Variants in RALGAPB observed in about 807,000 individuals in gnomAD.
RALGAPB encodes the protein Ral GTPase activating protein non-catalytic subunit beta.
A neutral mutation model predicts 161.1 loss-of-function variants in RALGAPB; 25 were observed. The ratio of observed to expected loss-of-function variants is 0.16; its 90% CI spans 0.11 to 0.22. The LOEUF is 0.22. RALGAPB is among the 10% of genes least tolerant of loss of function. RALGAPB has a pLI of 1.00. For synonymous variants in RALGAPB, 629 were observed against 626.1 expected (o/e 1.00, Z -0.07); for missense variants, 1,391 against 1,815.2 (o/e 0.77, Z 4.25).
chr20:38,525,772 A>G (rs2086444839), intron 12 of RALGAPB, 123 bp from the exon 13 acceptor site: 1 of 1,015,310 alleles, frequency 9.8e-7, no homozygotes, highest in Non-Finnish European at 1.4e-6. Flanking sequence ...GATTCAGCAC[A>G]GTGGCTAATA....
rs1275940779 is a variant in RALGAPB at position 38,539,948 on chromosome 20, T to C, written c.2552T>C (p.Leu851Pro). The change falls in exon 17 of 30, where the codon CTT (leucine) becomes CCT (proline). Residue 851 changes from leucine (L) to proline (P), a missense_variant. Around this residue, in one of 3 missense-constraint regions of RALGAPB, gnomAD observed 946 missense variants for 1,257.2 expected, o/e 0.75. Coordinates refer to ENST00000262879, the MANE Select transcript of RALGAPB (RefSeq NM_020336.4). ...TGGCTGACAGAGCACCCTGATATGC[T>C]TGATGAAAAGGTGAGTTTATTTTAT... ...CVWLTEHPDM[L>P]DEKDCLKEVL... The C allele has an allele frequency of 6.2e-7, 1 of 1,607,772 alleles. No homozygotes were observed. The highest frequency in any genetic ancestry group is 1.7e-4 in the Middle Eastern group (1 of 6,036).
rs2085188834 is a variant in RALGAPB, at chr20:38,488,690, A to C, written c.186+72A>C. On this transcript the variant is annotated intron_variant, in intron 2 of 29. Transcript: ENST00000262879. ...TTCTTGAAGAATTTGTTTAATGTTAACTTTTTTGTTCTTTTTTCTTTGAAA... is the reference window on the plus strand; with the variant it reads ...TTCTTGAAGAATTTGTTTAATGTTACCTTTTTTGTTCTTTTTTCTTTGAAA... The C allele has an allele frequency of 8.3e-6, 12 of 1,442,184 alleles. No homozygotes were observed. In the East Asian group the frequency reaches 2.8e-4, roughly 33 times the overall value. 89.3% of individuals were successfully genotyped at this position (1,442,184 alleles called of 1,614,324 possible).
chr20:38,546,511 A>G (rs1364021262), intron 19 of RALGAPB, 81 bp downstream of exon 19: 9 of 1,572,646 alleles, frequency 5.7e-6, no homozygotes, highest in Non-Finnish European at 7.8e-6. Context: ...GGATCAGGGA[A>G]GGACAGCCTA....
At chr20:38,483,501 T>A (rs1362714637) in intron 1 of RALGAPB, among the ~76,000 whole-genome samples, 5 of 152,222 alleles carry the variant, frequency 3.3e-5, no homozygotes, top group African/African-American at 1.2e-4. Flanking sequence ...TGTACATTTT[T>A]AAAAATTGAG....
In RALGAPB at chr20:38,517,593, C is replaced by T; in HGVS notation, c.1139C>T (p.Pro380Leu). The change falls in exon 8 of 30, where the codon CCC (proline) becomes CTC (leucine). Residue 380 changes from proline (P) to leucine (L), a missense_variant. This residue lies in a region of RALGAPB where 946 missense variants were observed against 1,257.2 expected (regional missense o/e 0.75). Transcript: ENST00000262879. ...CAAAGTGCTGCTGTCAGTACCACCC[C>T]CCCACATAACCGGAGGCACCGGGCT... ...MPQSAAVSTT[P>L]PHNRRHRAVT... The T allele has an allele frequency of 6.2e-7, 1 of 1,613,960 alleles. No homozygotes were observed. The highest frequency in any genetic ancestry group is 8.5e-7 in the Non-Finnish European group (1 of 1,179,944).
intron 18 of RALGAPB, among the ~76,000 whole-genome samples, chr20:38,543,646 C>T (rs925361372): frequency 7.2e-5 from 11 of 152,120 alleles, no homozygotes; most frequent in African/African-American, 2.2e-4. Context: ...TCTGTTTTGC[C>T]GTTGTCAGGC....
chr20:38,539,770 G>A lies in RALGAPB; in HGVS notation c.2380-6G>A, dbSNP rs772192100. On this transcript the variant is annotated splice_polypyrimidine_tract_variant and splice_region_variant and intron_variant, in intron 16 of 29. Transcript: ENST00000262879. ...TTGTTTTTGTTCTCCAAATGAATAT[G>A]CTCAGGTAAAAGTGATGGTTGACTC... 6.2e-7 allele frequency: 1 copy of A among 1,610,472 alleles called. No individual in the cohort carries two copies. Among genetic ancestry groups the A allele is most frequent in the Non-Finnish European group, 8.5e-7 (1 of 1,177,482 alleles).
At chr20:38,569,273 C>G (rs1260525909) in intron 26 of RALGAPB, 1 of 152,552 alleles carries the variant, frequency 6.6e-6, no homozygotes, top group Non-Finnish European at 1.5e-5. Flanking sequence ...AGAGGTGCAG[C>G]TCAGGGTACC....
rs778485131 is a variant in RALGAPB at position 38,516,521 on chromosome 20, A to G, written c.1051+151A>G. ...CGAGGAAAAATTATTTGCAACAAAT[A>G]AAATAGCCAGAGGGTTATCGTTTCT... On this transcript the variant is annotated intron_variant, in intron 7 of 29. Coordinates refer to ENST00000262879, the MANE Select transcript of RALGAPB (RefSeq NM_020336.4). 6.6e-6 allele frequency: 5 copies of G among 757,650 alleles called. No individual in the cohort carries two copies. In the South Asian group the frequency reaches 1.2e-4, roughly 18 times the overall value. The allele number at this position is 757,650 out of a possible 1,614,324, so 46.9% of individuals were successfully genotyped here. A position where few individuals can be genotyped will look rare whatever the true frequency, so the allele number is the denominator to read the frequency against.
intron 18 of RALGAPB, 113 bp from the exon 19 acceptor site, chr20:38,546,130 G>T: frequency 6.5e-7 from 1 of 1,546,436 alleles, no homozygotes. Flanking sequence ...CTGTCAAGAA[G>T]CATGGCTGTG....
intron 2 of RALGAPB, among the ~76,000 whole-genome samples, chr20:38,490,933 C>T (rs942129497): frequency 6.6e-6 from 1 of 152,246 alleles, no homozygotes; most frequent in Non-Finnish European, 1.5e-5. Context: ...TTGTGGGCCA[C>T]TACGCCTGGC....
chr20:38,478,295 G>A (rs76607072), intron 1 of RALGAPB, among the ~76,000 whole-genome samples: 2,741 of 152,284 alleles, frequency 0.018, 37 homozygotes, highest in Middle Eastern at 0.031. Context: ...CTTACCTAGT[G>A]GTTAGTGACG....
chr20:38,546,512 G>C (rs6070544), intron 19 of RALGAPB, 82 bp downstream of exon 19: 4 of 1,571,104 alleles, frequency 2.5e-6, no homozygotes, highest in Non-Finnish European at 2.6e-6. Flanking sequence ...GATCAGGGAA[G>C]GACAGCCTAC....
intron 13 of RALGAPB, among the ~76,000 whole-genome samples, chr20:38,529,798 G>A (rs1241427121): frequency 1.3e-5 from 2 of 152,138 alleles, no homozygotes; most frequent in African/African-American, 2.4e-5. Context: ...CCAAGATCAC[G>A]CTACTGGACT....
chr20:38,474,286 T>C (rs890015676), intron 1 of RALGAPB, among the ~76,000 whole-genome samples: 1 of 152,078 alleles, frequency 6.6e-6, no homozygotes, highest in African/African-American at 2.4e-5. Context: ...CACACCCTTT[T>C]CTTTTCTTTC....
At chr20:38,531,100 A>G (rs1268125856) in intron 13 of RALGAPB, 67 bp from the exon 14 acceptor site, 4 of 1,331,930 alleles carry the variant, frequency 3.0e-6, no homozygotes, top group Non-Finnish European at 4.3e-6. Context: ...TTAATCATAT[A>G]AAATGTCTTA....
chr20:38,524,570 C>T (rs185499607), intron 10 of RALGAPB, among the ~76,000 whole-genome samples: 3 of 152,014 alleles, frequency 2.0e-5, no homozygotes, highest in East Asian at 1.9e-4. Context: ...CCAGTAATAT[C>T]CTTTAAAGGG....
At chr20:38,512,655 G>A (rs902493868) in intron 6 of RALGAPB, among the ~76,000 whole-genome samples, 2 of 152,144 alleles carry the variant, frequency 1.3e-5, no homozygotes, top group Non-Finnish European at 2.9e-5. Flanking sequence ...GATTTTCATC[G>A]GAATGCCTCT....
At chr20:38,475,138 T>C (rs2084767697) in intron 1 of RALGAPB, among the ~76,000 whole-genome samples, 1 of 152,224 alleles carries the variant, frequency 6.6e-6, no homozygotes, top group Admixed American at 6.5e-5. Context: ...GGAAAGTCTT[T>C]TTATTACTGT....
Sources: gnomAD v4.1 joint callset for allele counts (sites outside exome capture counted in the v4.1 genomes callset) on GRCh38, gnomAD v4.1.1 for gene constraint, gnomAD v4.1.1 regional missense constraint, MANE v1.5 for transcripts, NCBI Gene and HGNC (gene_info 2026-07-23, HGNC 2026-07-21) for gene names.